Variants in PSMD3 observed in about 807,000 individuals in gnomAD.
The protein encoded by PSMD3 is proteasome 26S subunit, non-ATPase 3, also known as 26S proteasome non-ATPase regulatory subunit 3.
Under a neutral mutation model 62.8 loss-of-function variants are expected in PSMD3, and 5 were observed. The observed-to-expected ratio is 0.08, with a 90% CI of 0.04 to 0.17. PSMD3 has a LOEUF of 0.17. Among genes scored for constraint, PSMD3 ranks in the 10% least tolerant of loss-of-function variants. The pLI is 1.00. For synonymous variants in PSMD3, 265 were observed against 283.9 expected, an observed-to-expected ratio of 0.93 and a Z score of 0.67; for missense variants, 524 against 713.6, an observed-to-expected ratio of 0.73 and a Z score of 3.03.
At chr17:39,989,967 C>G (rs770648233) in intron 5 of PSMD3, 38 bp downstream of exon 5, 11 of 1,598,186 alleles carry the variant, frequency 6.9e-6, no homozygotes, top group Non-Finnish European at 9.4e-6. Flanking sequence ...CAGAAGGTGT[C>G]TCAGGCCTGC....
At position 39,997,741 on chromosome 17, in the gene PSMD3, A is replaced by G; in HGVS notation, c.*160A>G. 1 of 816,940 alleles carries G rather than the reference A, an allele frequency of 1.2e-6. No individual in the cohort carries two copies. Among genetic ancestry groups the G allele is most frequent in the Non-Finnish European group, 1.9e-6 (1 of 516,954 alleles). 50.6% of individuals were successfully genotyped at this position (816,940 alleles called of 1,614,324 possible). A position where few individuals can be genotyped will look rare whatever the true frequency, so the allele number is the denominator to read the frequency against. The stretch of plus-strand genomic sequence containing the variant: ...GGAGCCAGCCACCCTGACCTCCCCC[A>G]GGGCTCCTCCCCAGCCGGTGACTTA... On this transcript the variant is annotated 3_prime_UTR_variant, in exon 12 of 12. Coordinates refer to ENST00000264639, the MANE Select transcript of PSMD3 (RefSeq NM_002809.4).
At chr17:39,985,303 C>T (rs145850551) in intron 2 of PSMD3, among the ~76,000 whole-genome samples, 99 of 152,288 alleles carry the variant, frequency 6.5e-4, no homozygotes, top group African/African-American at 2.2e-3. Flanking sequence ...CAGTTAGTAC[C>T]TGTGGGACTT....
intron 4 of PSMD3, 34 bp from the exon 5 acceptor site, chr17:39,989,705 T>G (rs1980608389): frequency 6.3e-7 from 1 of 1,590,828 alleles, no homozygotes. Flanking sequence ...AGTTGTGATT[T>G]GAAGGCTTTG....
At position 39,984,079 on chromosome 17, in the gene PSMD3, A is replaced by G. The variant is rs572592587; in HGVS notation, c.221-215A>G. Among the ~76,000 whole-genome samples the G allele has an allele frequency of 2.0e-5, 3 of 152,128 alleles. No homozygotes were observed. In the East Asian group the frequency reaches 5.8e-4, roughly 30 times the overall value. ...GCCAGGCGTGGTGGCGGGTGCCTGT[A>G]GTCCCAGCTACTCGGGAGGCTGAGG... On this transcript the variant is annotated intron_variant, in intron 1 of 11. Coordinates refer to ENST00000264639, the MANE Select transcript of PSMD3 (RefSeq NM_002809.4).
chr17:39,992,024 C>CAAAAAAAAAAAAAAAAACAAAA (rs59894264), intron 6 of PSMD3, among the ~76,000 whole-genome samples: 3 of 102,070 alleles, frequency 2.9e-5, no homozygotes, highest in Non-Finnish European at 4.3e-5. Context: ...GACTCTGTCT[C>CAAAAAAAAAAAAAAAAACAAAA]AAAAAAAAAC....
chr17:39,997,634 G>A lies in PSMD3; in HGVS notation c.*53G>A, dbSNP rs1980817902. 6.3e-7 allele frequency: 1 copy of A among 1,577,884 alleles called. No individual in the cohort carries two copies. Among genetic ancestry groups the A allele is most frequent in the Middle Eastern group, 1.9e-4 (1 of 5,200 alleles). On this transcript the variant is annotated 3_prime_UTR_variant, in exon 12 of 12. Transcript: ENST00000264639. ...AATGGGGACAGGCTCTTTCCCCCTT[G>A]GGGGTCCCCTGCCCAGGGCACTGTC...
intron 5 of PSMD3, 71 bp from the exon 6 acceptor site, chr17:39,990,023 C>T: frequency 6.3e-7 from 1 of 1,589,724 alleles, no homozygotes; most frequent in Non-Finnish European, 8.6e-7. Context: ...GCCCATTTGG[C>T]ACCCTGGCTT....
At chr17:39,984,225 ACTCCTTGC>A (rs1980464880) in intron 1 of PSMD3, 61 bp from the exon 2 acceptor site, 1 of 908,130 alleles carries the variant, frequency 1.1e-6, no homozygotes, top group South Asian at 1.8e-5. Context: ...AAAAAAAAGA[ACTCCTTGC>A]CTGGAGTGGT....
intron 1 of PSMD3, among the ~76,000 whole-genome samples, chr17:39,982,400 T>C (rs1980410685): frequency 6.6e-6 from 1 of 152,264 alleles, no homozygotes; most frequent in South Asian, 2.1e-4. Context: ...CATTTTTTCT[T>C]GTGAATTTTT....
In PSMD3 at chr17:39,986,667, A is replaced by C; in HGVS notation, c.504A>C (p.Gln168His). 1.2e-6 allele frequency: 2 copies of C among 1,613,944 alleles called. No homozygotes were observed. The highest frequency in any genetic ancestry group is 1.3e-5 in the African/African-American group (1 of 74,956). ...PLLPEVEAYLQLLVVIFMMNS... is the reference protein window; with the variant it reads ...PLLPEVEAYLHLLVVIFMMNS... ...TGCCTGAAGTGGAAGCCTATCTCCA[A>C]CTCCTCGTGGTCATCTTCATGATGA... Residue 168 changes from glutamine to histidine, a missense_variant, in exon 3 of 12, where the codon CAA becomes CAC. By Grantham distance (24) the Gln-to-His change is conservative. Coordinates refer to ENST00000264639, the MANE Select transcript of PSMD3 (RefSeq NM_002809.4).
intron 6 of PSMD3, among the ~76,000 whole-genome samples, chr17:39,991,726 TAATG>T (rs1242393490): frequency 1.3e-5 from 2 of 152,092 alleles, no homozygotes; most frequent in Admixed American, 6.6e-5. Context: ...TTTGATCAAA[TAATG>T]AAAGAGAAAG....
chr17:39,992,752 G>T (rs913708748), intron 6 of PSMD3, among the ~76,000 whole-genome samples: 14 of 149,734 alleles, frequency 9.3e-5, no homozygotes, highest in Non-Finnish European at 1.6e-4. Flanking sequence ...AAAACCCCCA[G>T]CCCTGCTGCT....
Position 39,995,755 on chromosome 17 carries a change from T to C in PSMD3, c.1320+228T>C. 2 of 565,958 alleles carry C rather than the reference T, an allele frequency of 3.5e-6. No homozygotes were observed. Among genetic ancestry groups the C allele is most frequent in the African/African-American group, 3.8e-5 (2 of 53,254 alleles). The allele number at this position is 565,958 out of a possible 1,614,324, so 35.1% of individuals were successfully genotyped here. A position where few individuals can be genotyped will look rare whatever the true frequency, so the allele number is the denominator to read the frequency against. On this transcript the variant is annotated intron_variant, in intron 9 of 11. Coordinates refer to ENST00000264639, the MANE Select transcript of PSMD3 (RefSeq NM_002809.4). The surrounding 1 kb of genome is among the most constrained non-coding windows in gnomAD (Gnocchi z 4.1). Reference sequence around the variant, plus strand: ...TGTGCACATGTTGAGTTTATGATAGTGCCTGTGAGTGTGAGAATATAAGGA... The same window carrying C: ...TGTGCACATGTTGAGTTTATGATAGCGCCTGTGAGTGTGAGAATATAAGGA...
intron 6 of PSMD3, 41 bp from the exon 7 acceptor site, chr17:39,994,913 G>A: frequency 6.4e-7 from 1 of 1,567,222 alleles, no homozygotes; most frequent in Non-Finnish European, 8.8e-7. Flanking sequence ...TTCCGCCCAT[G>A]GGGCTCCCTG....
chr17:39,984,614 T>C, intron 2 of PSMD3, 130 bp downstream of exon 2: 1 of 823,946 alleles, frequency 1.2e-6, no homozygotes. Context: ...AGCAGTCCAT[T>C]TGAATACTCA....
chr17:39,991,404 C>T (rs11867302), intron 6 of PSMD3, among the ~76,000 whole-genome samples: 45,694 of 152,144 alleles, frequency 0.3, 8,232 homozygotes, highest in Middle Eastern at 0.51. Context: ...GATCCACCCA[C>T]CTCAGCCTCC....
intron 6 of PSMD3, among the ~76,000 whole-genome samples, chr17:39,990,810 G>A (rs891407188): frequency 6.6e-6 from 1 of 152,134 alleles, no homozygotes; most frequent in Non-Finnish European, 1.5e-5. Flanking sequence ...AAACTGTATT[G>A]TCTGTGGCCA....
At chr17:39,984,556 C>A in intron 2 of PSMD3, 72 bp downstream of exon 2, 1 of 1,399,424 alleles carries the variant, frequency 7.1e-7, no homozygotes, top group Non-Finnish European at 9.8e-7. Context: ...TGTTTTCCAT[C>A]CTAAAGTCCC....
At chr17:39,989,433 A>G (rs1980601709) in intron 4 of PSMD3, among the ~76,000 whole-genome samples, 1 of 152,104 alleles carries the variant, frequency 6.6e-6, no homozygotes, top group South Asian at 2.1e-4. Context: ...CACGTCCTGC[A>G]TTCCCCATTG....
Sources: allele counts gnomAD v4.1 joint callset (sites outside exome capture counted in the v4.1 genomes callset), GRCh38; gene constraint gnomAD v4.1.1; non-coding constraint Gnocchi (gnomAD v3.1); transcripts MANE v1.5; gene names NCBI Gene and HGNC (gene_info 2026-07-23, HGNC 2026-07-21).